ZNF717: variants seen among roughly 807,000 people sequenced by gnomAD.
The protein encoded by ZNF717 is krueppel-like factor X17.
Under a neutral mutation model 13.8 loss-of-function variants are expected in ZNF717, and 9 were observed. The ratio of observed to expected loss-of-function variants is 0.65; its 90% CI spans 0.39 to 1.14. ZNF717 has a LOEUF of 1.14. ZNF717 is among the 50% of genes most tolerant of loss of function. The probability of loss-of-function intolerance (pLI) is 0.01; values close to 1 mark genes in which losing one functional copy is unlikely to be tolerated. For missense variants in ZNF717, 1,040 were observed against 1,080.7 expected (o/e 0.96, Z 0.53); for synonymous variants, 327 against 364.1 (o/e 0.90, Z 1.16).
At chr3:75,696,178 C>G (rs1937600527) in intron 6 of ZNF717, among the ~76,000 whole-genome samples, 1 of 152,312 alleles carries the variant, frequency 6.6e-6, no homozygotes, top group African/African-American at 2.4e-5. Flanking sequence ...TGGTTACTAT[C>G]AGCAATTGTG....
intron 2 of ZNF717, among the ~76,000 whole-genome samples, chr3:75,775,855 A>G (rs1944274252): frequency 2.0e-5 from 1 of 50,704 alleles, no homozygotes; most frequent in Admixed American, 2.2e-4. Context: ...CTGTCTCAAA[A>G]AAAAAAAAAA....
chr3:75,742,487 TA>T (rs1404963919), intron 2 of ZNF717, among the ~76,000 whole-genome samples: 2 of 152,044 alleles, frequency 1.3e-5, no homozygotes, highest in African/African-American at 4.8e-5. Context: ...AAGTTTTGTT[TA>T]TTTTGCACCA....
intron 4 of ZNF717, among the ~76,000 whole-genome samples, chr3:75,723,432 A>T (rs62248814): frequency 0.061 from 6,224 of 102,578 alleles, no homozygotes; most frequent in Non-Finnish European, 0.082. Flanking sequence ...ACTGAGGGCA[A>T]GAGCTGTTCC....
intron 6 of ZNF717, among the ~76,000 whole-genome samples, chr3:75,695,174 C>G (rs78942888): frequency 6.6e-6 from 1 of 152,194 alleles, no homozygotes; most frequent in Non-Finnish European, 1.5e-5. Context: ...CAAAAAAGAG[C>G]AGAAATAGCT....
chr3:75,764,606 A>G (rs970676568), intron 2 of ZNF717, among the ~76,000 whole-genome samples: 4 of 152,270 alleles, frequency 2.6e-5, no homozygotes, highest in Non-Finnish European at 4.4e-5. Context: ...AAAAGTGGAC[A>G]AAGAACATTT....
chr3:75,730,353 T>TAAA, exon 6 of ZNF717: 6 of 317,490 alleles, frequency 1.9e-5, no homozygotes, highest in Admixed American at 5.2e-5. Context: ...AAGCAATAGT[T>TAAA]AAAAAAAAAA....
At chr3:75,767,415 T>C (rs1184061902) in intron 2 of ZNF717, among the ~76,000 whole-genome samples, 1 of 152,260 alleles carries the variant, frequency 6.6e-6, no homozygotes, top group Non-Finnish European at 1.5e-5. Context: ...TTGGGGATGG[T>C]TTCTTCAGAA....
downstream of ZNF717, among the ~76,000 whole-genome samples, chr3:75,727,694 A>G (rs1408160556): frequency 1.3e-5 from 2 of 152,244 alleles, no homozygotes; most frequent in African/African-American, 4.8e-5. Context: ...TAAGATGTTT[A>G]TCAAGACAAT....
At chr3:75,717,686 C>T (rs1365671443) in intron 4 of ZNF717, among the ~76,000 whole-genome samples, 4 of 152,100 alleles carry the variant, frequency 2.6e-5, no homozygotes, top group East Asian at 1.9e-4. Flanking sequence ...TGGAGGCCCA[C>T]AAAAAGGCTA....
At position 75,738,995 on chromosome 3, in the gene ZNF717, G is replaced by T. The variant is rs200842088; in HGVS notation, c.628C>A (p.Gln210Lys). ...HKIQTLLQTF[Q>K]CNEQGKTFNT... ...AAGGTTTTCCCTTGTTCATTACATT[G>T]AAAAGTCTGCAGCAGAGTTTGAATC... Residue 210 changes from glutamine to lysine, a missense_variant, in exon 5 of 5, where the codon CAA (glutamine) becomes AAA (lysine). Around this residue, in one of 3 missense-constraint regions of ZNF717, gnomAD observed 873 missense variants for 832.8 expected, o/e 1.05. Transcript: ENST00000652011. 1,768 of 1,551,556 alleles carry T rather than the reference G, an allele frequency of 1.1e-3. 3 individuals are homozygous for T. The highest frequency in any genetic ancestry group is 1.0e-3 in the Non-Finnish European group (1,185 of 1,146,940).
chr3:75,743,839 G>T (rs1169516639), intron 2 of ZNF717, among the ~76,000 whole-genome samples: 1 of 152,244 alleles, frequency 6.6e-6, no homozygotes, highest in Non-Finnish European at 1.5e-5. Flanking sequence ...AAAAATAAAA[G>T]AATACGATAA....
At chr3:75,761,348 C>G (rs959376739) in intron 2 of ZNF717, among the ~76,000 whole-genome samples, 1 of 152,244 alleles carries the variant, frequency 6.6e-6, no homozygotes, top group Non-Finnish European at 1.5e-5. Flanking sequence ...AATAAAAACA[C>G]TCAAAGAATT....
downstream of ZNF717, among the ~76,000 whole-genome samples, chr3:75,727,366 C>T (rs1696443604): frequency 6.6e-6 from 1 of 152,226 alleles, no homozygotes; most frequent in Non-Finnish European, 1.5e-5. Flanking sequence ...TAAGATCTGA[C>T]TGCCTGCAGG....
intron 2 of ZNF717, among the ~76,000 whole-genome samples, chr3:75,777,265 A>AACCAGAAC (rs1319764286): frequency 6.6e-5 from 10 of 152,218 alleles, no homozygotes; most frequent in Non-Finnish European, 1.2e-4. Flanking sequence ...GACGTGCTAA[A>AACCAGAAC]CCAAAAACCC....
exon 6 of ZNF717, chr3:75,710,911 T>C (rs1207342633): frequency 6.6e-6 from 1 of 152,202 alleles, no homozygotes; most frequent in Non-Finnish European, 1.5e-5. Context: ...CTCTCTACAT[T>C]AATTTACAGA....
At chr3:75,702,768 A>G (rs1937721075) in intron 6 of ZNF717, among the ~76,000 whole-genome samples, 1 of 152,272 alleles carries the variant, frequency 6.6e-6, no homozygotes, top group Non-Finnish European at 1.5e-5. Context: ...AAATAAATTA[A>G]AGATTGAAAT....
chr3:75,725,061 ACTC>A (rs1227773786), downstream of ZNF717, among the ~76,000 whole-genome samples: 3 of 150,944 alleles, frequency 2.0e-5, no homozygotes, highest in Non-Finnish European at 1.5e-5. Context: ...ATCAGCCTGC[ACTC>A]CTCGACTCAG....
chr3:75,764,045 C>G (rs1379342126), intron 2 of ZNF717, among the ~76,000 whole-genome samples: 1 of 152,158 alleles, frequency 6.6e-6, no homozygotes, highest in South Asian at 2.1e-4. Context: ...AAGGAGCCAA[C>G]CCTGCCCCTG....
intron 2 of ZNF717, among the ~76,000 whole-genome samples, chr3:75,763,196 A>C (rs1943172877): frequency 6.6e-6 from 1 of 152,224 alleles, no homozygotes; most frequent in Admixed American, 6.5e-5. Flanking sequence ...TCAAACCTAA[A>C]AGTTTCTATA....
Sources: allele counts gnomAD v4.1 joint callset (sites outside exome capture counted in the v4.1 genomes callset), GRCh38; gene constraint gnomAD v4.1.1; regional missense constraint gnomAD v4.1.1; transcripts MANE v1.5; gene names NCBI Gene and HGNC (gene_info 2026-07-23, HGNC 2026-07-21).